ZMYM1: variants seen among roughly 807,000 people sequenced by gnomAD.
ZMYM1 encodes the protein zinc finger MYM-type protein 1.
ZMYM1 carries 39 observed loss-of-function variants against 60.0 expected under a neutral mutation model. The ratio of observed to expected loss-of-function variants is 0.65; its 90% CI spans 0.50 to 0.85. The LOEUF (loss-of-function observed/expected upper bound fraction) is 0.85, where lower values mean the gene tolerates loss of function less well. Ranked by LOEUF, ZMYM1 falls within the 40% of genes least tolerant of loss-of-function variation. The pLI is 0.00. For missense variants in ZMYM1, 1,171 were observed against 1,309.5 expected, an observed-to-expected ratio of 0.89 and a Z score of 1.63; for synonymous variants, 413 against 454.0, an observed-to-expected ratio of 0.91 and a Z score of 1.15.
chr1:35,069,351 T>C (rs1039324977), intron 1 of ZMYM1, among the ~76,000 whole-genome samples: 1 of 152,180 alleles, frequency 6.6e-6, no homozygotes, highest in African/African-American at 2.4e-5. Flanking sequence ...TGATGTTGAG[T>C]ATTTTTTCGT....
At position 35,097,392 on chromosome 1, in the gene ZMYM1, C is replaced by T; in HGVS notation, c.245C>T (p.Thr82Ile). The part of the protein sequence containing the change: ...GVNKMLPSVS[T>I]TAIQVSCAGC... ...AATAAAATGCTTCCTTCAGTTTCAA[C>T]CACAGCTATTCAGGTTTCCTGTGCT... The change falls in exon 4 of 10, where the codon ACC (threonine) becomes ATC (isoleucine). Residue 82 changes from threonine to isoleucine, a missense_variant. Physicochemically the swap from Thr to Ile is moderately conservative, Grantham distance 89 (BLOSUM62 -1). Coordinates refer to ENST00000359858, the MANE Select transcript of ZMYM1 (RefSeq NM_024772.5). 1 of 1,614,104 alleles carries T rather than the reference C, an allele frequency of 6.2e-7. No homozygotes were observed. The highest frequency in any genetic ancestry group is 8.5e-7 in the Non-Finnish European group (1 of 1,180,016).
chr1:35,107,005 C>A (rs902336073), intron 6 of ZMYM1, among the ~76,000 whole-genome samples: 9 of 151,748 alleles, frequency 5.9e-5, no homozygotes, highest in Non-Finnish European at 1.2e-4. Flanking sequence ...GTGCCCACCA[C>A]CACGTCTGGC....
intron 6 of ZMYM1, among the ~76,000 whole-genome samples, chr1:35,105,984 G>T (rs61777995): frequency 8.5e-5 from 13 of 152,152 alleles, no homozygotes; most frequent in Non-Finnish European, 1.9e-4. Context: ...GGACAGTCAT[G>T]GTGGCTTACA....
At chr1:35,082,487 T>C (rs1642440056) in intron 1 of ZMYM1, among the ~76,000 whole-genome samples, 1 of 151,354 alleles carries the variant, frequency 6.6e-6, no homozygotes, top group African/African-American at 2.4e-5. Flanking sequence ...TGCACCACCA[T>C]ACCCAGCTAA....
intron 1 of ZMYM1, among the ~76,000 whole-genome samples, chr1:35,081,242 T>A (rs944098107): frequency 6.6e-6 from 1 of 152,206 alleles, no homozygotes; most frequent in Non-Finnish European, 1.5e-5. Context: ...TAGCAAAGTG[T>A]AATGTATAAA....
rs546867983 is a variant in ZMYM1 at position 35,111,833 on chromosome 1, G to A, written c.1023G>A (p.Thr341=). 5.0e-5 allele frequency: 80 copies of A among 1,608,264 alleles called. 1 individual carries two copies. In the East Asian group the frequency reaches 1.4e-3, roughly 28 times the overall value. ...AGCTTCTTTCTCCAAAGAAAGATAC[G>A]ACTCCAGTTATAAGCAATATAGTGT... The part of the protein sequence containing the change: ...STELLSPKKD[T]TPVISNIVSL... The change falls in exon 8 of 10, where the codon ACG becomes ACA. Residue 341 remains threonine, a synonymous_variant. Coordinates refer to ENST00000359858, the MANE Select transcript of ZMYM1 (RefSeq NM_024772.5).
chr1:35,095,984 T>C, intron 3 of ZMYM1, 93 bp downstream of exon 3: 1 of 1,005,992 alleles, frequency 9.9e-7, no homozygotes, highest in Non-Finnish European at 1.5e-6. Context: ...GCTTTGTTTG[T>C]GTTGGGTTTT....
chr1:35,099,142 A>ATTT, intron 4 of ZMYM1, among the ~76,000 whole-genome samples: 1 of 152,242 alleles, frequency 6.6e-6, no homozygotes, highest in East Asian at 1.9e-4. Context: ...TTCTCTTAAC[A>ATTT]AACTCACAAA....
chr1:35,090,531 A>G (rs917348578), intron 1 of ZMYM1, among the ~76,000 whole-genome samples: 4 of 152,288 alleles, frequency 2.6e-5, no homozygotes, highest in African/African-American at 7.2e-5. Flanking sequence ...AACTTTAATG[A>G]AAAAAGAAAA....
chr1:35,109,357 T>C (rs895625136), intron 6 of ZMYM1, among the ~76,000 whole-genome samples: 1 of 152,164 alleles, frequency 6.6e-6, no homozygotes, highest in Non-Finnish European at 1.5e-5. Flanking sequence ...TCCAGGAATA[T>C]TGGTTCCTGT....
chr1:35,117,823 C>T (rs1482360661), downstream of ZMYM1, among the ~76,000 whole-genome samples: 1 of 151,956 alleles, frequency 6.6e-6, no homozygotes, highest in Non-Finnish European at 1.5e-5. Flanking sequence ...GCCTGTAATA[C>T]CAGCTACTCG....
chr1:35,116,069 ATT>A (rs113648122), downstream of ZMYM1, among the ~76,000 whole-genome samples: 5 of 147,208 alleles, frequency 3.4e-5, no homozygotes, highest in African/African-American at 1.2e-4. Context: ...CATCACTACA[ATT>A]TTTTTTTTTT....
chr1:35,090,497 G>T (rs1261596266), intron 1 of ZMYM1, among the ~76,000 whole-genome samples: 3 of 152,142 alleles, frequency 2.0e-5, no homozygotes, highest in African/African-American at 7.2e-5. Flanking sequence ...TAACAAAACT[G>T]CACGTTCTGC....
chr1:35,076,875 T>C (rs1642176174), upstream of ZMYM1, among the ~76,000 whole-genome samples: 2 of 146,574 alleles, frequency 1.4e-5, no homozygotes, highest in Non-Finnish European at 3.0e-5. Context: ...GAGGTTGCAG[T>C]GAGCCACCAA....
At chr1:35,099,581 G>C (rs1259946430) in intron 4 of ZMYM1, among the ~76,000 whole-genome samples, 1 of 152,090 alleles carries the variant, frequency 6.6e-6, no homozygotes, top group Non-Finnish European at 1.5e-5. Flanking sequence ...TTTTAGGCTG[G>C]AAAAGGCCAT....
chr1:35,089,161 T>C (rs1362724640), intron 1 of ZMYM1, among the ~76,000 whole-genome samples: 1 of 152,152 alleles, frequency 6.6e-6, no homozygotes, highest in African/African-American at 2.4e-5. Flanking sequence ...AGTTGCAAGA[T>C]GCCAAAGCTC....
intron 3 of ZMYM1, among the ~76,000 whole-genome samples, chr1:35,096,629 G>T (rs998478039): frequency 6.6e-6 from 1 of 151,838 alleles, no homozygotes; most frequent in Non-Finnish European, 1.5e-5. Flanking sequence ...TGCCACCCAG[G>T]TTCAAGCAGT....
Position 35,104,412 on chromosome 1 carries a change from T to C in ZMYM1, c.537T>C (p.Val179=). 1 of 1,611,882 alleles carries C rather than the reference T, an allele frequency of 6.2e-7. No individual in the cohort carries two copies. Among genetic ancestry groups the C allele is most frequent in the South Asian group, 1.1e-5 (1 of 90,856 alleles). ...SSYEEKRKPF[V]TICTNSILTK... is the part of the protein sequence containing the mutation. ...ATGAAGAAAAAAGAAAACCATTTGT[T>C]ACCATATGTACTAATAGCATTTTGA... Residue 179 remains valine, a synonymous_variant, in exon 5 of 10, where the codon GTT becomes GTC. Transcript: ENST00000359858.
intron 1 of ZMYM1, chr1:35,093,219 A>T (rs1275597291): frequency 6.6e-6 from 1 of 152,366 alleles, no homozygotes; most frequent in Non-Finnish European, 1.5e-5. Flanking sequence ...AGCAAATGAG[A>T]AGGATAACTG....
Sources: allele counts gnomAD v4.1 joint callset (sites outside exome capture counted in the v4.1 genomes callset), GRCh38; gene constraint gnomAD v4.1.1; transcripts MANE v1.5; gene names NCBI Gene and HGNC (gene_info 2026-07-23, HGNC 2026-07-21).